PEX7: variants seen among roughly 807,000 people sequenced by gnomAD.
The protein encoded by PEX7 is PTS2 receptor.
A neutral mutation model predicts 47.5 loss-of-function variants in PEX7; 34 were observed. The ratio of observed to expected loss-of-function variants is 0.72; its 90% CI spans 0.54 to 0.95. The LOEUF is 0.95. Ranked by LOEUF, PEX7 falls within the 40% of genes least tolerant of loss-of-function variation. PEX7 has a pLI of 0.00. For missense variants in PEX7, 394 were observed against 400.3 expected, an observed-to-expected ratio of 0.98 and a Z score of 0.13; for synonymous variants, 141 against 148.8, an observed-to-expected ratio of 0.95 and a Z score of 0.38.
At chr6:136,911,716 A>ATT (rs35723913) in intron 9 of PEX7, among the ~76,000 whole-genome samples, 1 of 151,798 alleles carries the variant, frequency 6.6e-6, no homozygotes, top group Non-Finnish European at 1.5e-5. Flanking sequence ...CTTGTTTTCG[A>ATT]TTTTTTGCTA....
At chr6:136,887,363 G>A (rs989707900) in intron 8 of PEX7, among the ~76,000 whole-genome samples, 10 of 151,968 alleles carry the variant, frequency 6.6e-5, no homozygotes, top group Admixed American at 4.6e-4. Flanking sequence ...GTACTGCTAC[G>A]AGATTTAAAT....
chr6:136,891,671 CAG>C (rs933313061), intron 8 of PEX7, among the ~76,000 whole-genome samples: 5 of 142,664 alleles, frequency 3.5e-5, no homozygotes, highest in African/African-American at 7.9e-5. Flanking sequence ...TTTTTTGAGA[CAG>C]AGTCTCACTC....
rs139405535 is a variant in PEX7, at chr6:136,882,880, A to G, written c.803+10627A>G. Among the ~76,000 whole-genome samples, 696 of 152,228 alleles carry G rather than the reference A, an allele frequency of 4.6e-3. 6 individuals are homozygous for G. The highest frequency in any genetic ancestry group is 0.016 in the African/African-American group (668 of 41,536). On this transcript the variant is annotated intron_variant, in intron 8 of 9. Transcript: ENST00000318471. ...ACTTAGCCAAGCTTTTAGTGTCCGC[A>G]TAAGCTTCCATTCACCAGGGCCATT...
chr6:136,840,759 T>G (rs1000815858), intron 3 of PEX7, among the ~76,000 whole-genome samples: 1 of 152,210 alleles, frequency 6.6e-6, no homozygotes, highest in Non-Finnish European at 1.5e-5. Flanking sequence ...CTCCCAGCTA[T>G]TCAACCTTGC....
intron 3 of PEX7, among the ~76,000 whole-genome samples, chr6:136,836,868 G>A (rs905775103): frequency 5.9e-5 from 9 of 152,026 alleles, no homozygotes; most frequent in Non-Finnish European, 1.0e-4. Context: ...CAGGAGAATC[G>A]CTTGAACCCG....
intron 3 of PEX7, among the ~76,000 whole-genome samples, chr6:136,836,935 G>T (rs1275963315): frequency 6.6e-6 from 1 of 152,036 alleles, no homozygotes; most frequent in African/African-American, 2.4e-5. Flanking sequence ...CTGGGCAACA[G>T]AGTGAGACTC....
chr6:136,848,328 C>T (rs1293103514), intron 5 of PEX7, among the ~76,000 whole-genome samples: 1 of 152,116 alleles, frequency 6.6e-6, no homozygotes, highest in African/African-American at 2.4e-5. Context: ...ATTGAATACC[C>T]TTTATTTCTT....
At chr6:136,888,092 G>C (rs1200610926) in intron 8 of PEX7, among the ~76,000 whole-genome samples, 1 of 151,874 alleles carries the variant, frequency 6.6e-6, no homozygotes, top group Admixed American at 6.6e-5. Flanking sequence ...CTTAAAAAAA[G>C]GTCAGCCAAA....
intron 5 of PEX7, among the ~76,000 whole-genome samples, chr6:136,855,333 T>A (rs1302358268): frequency 6.6e-6 from 1 of 151,360 alleles, no homozygotes; most frequent in Non-Finnish European, 1.5e-5. Flanking sequence ...CTTTTCTTTT[T>A]CTTTTTCTTC....
chr6:136,842,942 G>A (rs1219662843), intron 3 of PEX7, among the ~76,000 whole-genome samples: 1 of 152,166 alleles, frequency 6.6e-6, no homozygotes, highest in Non-Finnish European at 1.5e-5. Flanking sequence ...GGGGCTTTAA[G>A]ATCTGTGTAT....
chr6:136,893,586 A>G (rs1171609519), intron 8 of PEX7, among the ~76,000 whole-genome samples: 1 of 152,246 alleles, frequency 6.6e-6, no homozygotes, highest in Non-Finnish European at 1.5e-5. Context: ...TATGGTGCTT[A>G]GCACCTACCT....
At chr6:136,835,471 T>G (rs1157474865) in intron 3 of PEX7, among the ~76,000 whole-genome samples, 2 of 151,992 alleles carry the variant, frequency 1.3e-5, no homozygotes, top group Admixed American at 6.6e-5. Flanking sequence ...GTATTTTTAG[T>G]AGAGACAGGA....
At chr6:136,866,143 G>A (rs1203395986) in intron 5 of PEX7, among the ~76,000 whole-genome samples, 2 of 151,256 alleles carry the variant, frequency 1.3e-5, no homozygotes, top group African/African-American at 4.8e-5. Flanking sequence ...TTTTTTTGAG[G>A]AGAAAAATAC....
intron 5 of PEX7, among the ~76,000 whole-genome samples, chr6:136,855,443 G>T (rs1774843260): frequency 6.6e-6 from 1 of 150,790 alleles, no homozygotes; most frequent in Admixed American, 6.6e-5. Context: ...ACCTTCAAGC[G>T]ATTCTCCTGC....
chr6:136,871,618 G>T (rs1225778173), intron 7 of PEX7, among the ~76,000 whole-genome samples: 3 of 152,046 alleles, frequency 2.0e-5, no homozygotes, highest in Non-Finnish European at 2.9e-5. Flanking sequence ...GAGTGCAGTG[G>T]CATGATCTCG....
chr6:136,894,631 A>T (rs879759716), intron 8 of PEX7, among the ~76,000 whole-genome samples: 3 of 152,194 alleles, frequency 2.0e-5, no homozygotes, highest in Non-Finnish European at 2.9e-5. Flanking sequence ...AAGAAGAGAG[A>T]TGTGATACAG....
intron 9 of PEX7, among the ~76,000 whole-genome samples, chr6:136,910,278 TCTTCAGTTGGGAAAATAAGTACAATCAA>T: frequency 6.6e-6 from 1 of 152,286 alleles, no homozygotes; most frequent in South Asian, 2.1e-4. Flanking sequence ...CAACTCTTTG[TCTTCAGTTGGGAAAATAAGTACAATCAA>T]GTATTATGGG....
intron 3 of PEX7, among the ~76,000 whole-genome samples, chr6:136,831,857 C>A (rs1386425426): frequency 6.6e-6 from 1 of 152,252 alleles, no homozygotes; most frequent in African/African-American, 2.4e-5. Context: ...CCTTGTAGCT[C>A]TGAAAGGTGC....
At chr6:136,841,723 A>G (rs1774502687) in intron 3 of PEX7, among the ~76,000 whole-genome samples, 1 of 151,922 alleles carries the variant, frequency 6.6e-6, no homozygotes, top group African/African-American at 2.4e-5. Flanking sequence ...AGCTGGGACT[A>G]CTGTTATAGG....
Sources: gnomAD v4.1 joint callset for allele counts (sites outside exome capture counted in the v4.1 genomes callset) on GRCh38, gnomAD v4.1.1 for gene constraint, MANE v1.5 for transcripts, NCBI Gene and HGNC (gene_info 2026-07-23, HGNC 2026-07-21) for gene names.